Variants in NBEA observed in about 807,000 individuals in gnomAD.
NBEA encodes neurobeachin.
Under a neutral mutation model 343.4 loss-of-function variants are expected in NBEA, and 44 were observed. That is an observed-to-expected ratio of 0.13 (90% confidence interval 0.10 to 0.16). NBEA has a LOEUF of 0.16. Among genes scored for constraint, NBEA ranks in the 10% least tolerant of loss-of-function variants. NBEA has a pLI of 1.00. For missense variants in NBEA, 2,555 were observed against 3,631.3 expected, an observed-to-expected ratio of 0.70 and a Z score of 7.62; for synonymous variants, 1,175 against 1,238.7, an observed-to-expected ratio of 0.95 and a Z score of 1.08.
At chr13:35,495,289 G>A (rs9544448) in intron 41 of NBEA, among the ~76,000 whole-genome samples, 100,691 of 151,804 alleles carry the variant, frequency 0.66, 33,567 homozygotes, top group Admixed American at 0.72. Flanking sequence ...GAAACACTTT[G>A]TAATCAAAAA....
intron 1 of NBEA, among the ~76,000 whole-genome samples, chr13:35,031,247 A>G (rs926249113): frequency 2.0e-5 from 3 of 151,746 alleles, no homozygotes; most frequent in Non-Finnish European, 4.4e-5. Context: ...TGAGTTACCA[A>G]TCACTAGTGT....
At position 35,257,639 on chromosome 13, in the gene NBEA, AAT is replaced by A. The variant is rs565033935; in HGVS notation, c.5776+25021_5776+25022del. ...GAAACTTAGCTATGTTCAATAATCT[AAT>A]GAAAAAAATATTTTGGAAAAAGTTG... On this transcript the variant is annotated intron_variant, in intron 34 of 58. Transcript: ENST00000379939. Among the ~76,000 whole-genome samples the A allele has an allele frequency of 2.6e-4, 40 of 152,074 alleles. No individual in the cohort carries two copies. In the South Asian group the frequency reaches 7.9e-3, roughly 30 times the overall value.
chr13:35,387,322 A>G (rs2042288290), intron 38 of NBEA, among the ~76,000 whole-genome samples: 1 of 152,148 alleles, frequency 6.6e-6, no homozygotes, highest in African/African-American at 2.4e-5. Context: ...ACATGGTTCC[A>G]GAAGTATTTT....
chr13:35,456,624 C>T (rs1483480413), intron 40 of NBEA, among the ~76,000 whole-genome samples: 1 of 151,884 alleles, frequency 6.6e-6, no homozygotes, highest in Non-Finnish European at 1.5e-5. Context: ...CTTCAAATAA[C>T]TATTGAGTAA....
intron 41 of NBEA, among the ~76,000 whole-genome samples, chr13:35,548,549 A>G (rs1453063008): frequency 1.3e-5 from 2 of 152,138 alleles, no homozygotes; most frequent in Admixed American, 1.3e-4. Flanking sequence ...TCATGGGAAG[A>G]TCTATCATTT....
chr13:35,317,033 G>A (rs916828021), intron 36 of NBEA, among the ~76,000 whole-genome samples: 3 of 152,016 alleles, frequency 2.0e-5, no homozygotes, highest in African/African-American at 7.2e-5. Context: ...TGGATAGATT[G>A]CAAAAATTTT....
chr13:35,417,619 G>A (rs930709677), intron 38 of NBEA, among the ~76,000 whole-genome samples: 1 of 152,086 alleles, frequency 6.6e-6, no homozygotes, highest in African/African-American at 2.4e-5. Flanking sequence ...TTTAATTTCT[G>A]TTCTTTTACA....
intron 45 of NBEA, among the ~76,000 whole-genome samples, chr13:35,575,931 T>C (rs1056242929): frequency 1.3e-5 from 2 of 152,150 alleles, no homozygotes; most frequent in African/African-American, 4.8e-5. Flanking sequence ...ATGCCAGTTA[T>C]CTTATAGAAC....
intron 36 of NBEA, among the ~76,000 whole-genome samples, chr13:35,344,850 A>G (rs2039784651): frequency 6.6e-6 from 1 of 152,106 alleles, no homozygotes; most frequent in Non-Finnish European, 1.5e-5. Context: ...CCAAACTTAC[A>G]AACTCCTAGA....
chr13:35,026,414 T>C (rs2152545243), intron 1 of NBEA, among the ~76,000 whole-genome samples: 1 of 152,180 alleles, frequency 6.6e-6, no homozygotes, highest in Middle Eastern at 3.4e-3. Flanking sequence ...TTAGCTAGTG[T>C]GTTCACTGCT....
intron 36 of NBEA, among the ~76,000 whole-genome samples, chr13:35,323,024 A>G (rs959064459): frequency 6.6e-6 from 1 of 151,610 alleles, no homozygotes; most frequent in Non-Finnish European, 1.5e-5. Flanking sequence ...TGCATTTTGT[A>G]TTTTTTGTAG....
intron 6 of NBEA, among the ~76,000 whole-genome samples, chr13:35,051,247 C>T (rs973274717): frequency 6.6e-6 from 1 of 151,894 alleles, no homozygotes; most frequent in African/African-American, 2.4e-5. Flanking sequence ...AGATTATCAA[C>T]GTTTTTTAGG....
At chr13:35,281,640 A>G (rs1000715284) in intron 34 of NBEA, among the ~76,000 whole-genome samples, 1 of 152,158 alleles carries the variant, frequency 6.6e-6, no homozygotes, top group Admixed American at 6.6e-5. Context: ...AGAGTGATAC[A>G]TAGCATTTCC....
rs1297161609 is a variant in NBEA at position 35,601,126 on chromosome 13, G to A, written c.7297-5300G>A. Among the ~76,000 whole-genome samples, 7 of 151,554 alleles carry A rather than the reference G, an allele frequency of 4.6e-5. No homozygotes were observed. The East Asian group carries it at 5.8e-4, about 13-fold the overall frequency. On this transcript the variant is annotated intron_variant, in intron 47 of 58. Transcript: ENST00000379939. ...TGGGAGGCAGAGGTTGTAGTGAGCC[G>A]AGATGGCACCATTGCACTCCAGCCT...
chr13:35,014,025 G>A (rs758709584), intron 1 of NBEA, among the ~76,000 whole-genome samples: 2 of 151,976 alleles, frequency 1.3e-5, no homozygotes, highest in African/African-American at 2.4e-5. Context: ...GTTATTATTT[G>A]CTGCTTTTAA....
At chr13:35,113,840 CT>C (rs1265169748) in intron 13 of NBEA, among the ~76,000 whole-genome samples, 6 of 152,092 alleles carry the variant, frequency 3.9e-5, no homozygotes, top group Admixed American at 2.6e-4. Flanking sequence ...TCTAGTGAAA[CT>C]TACAAAAACA....
At chr13:35,667,175 A>G (rs897585971) in intron 56 of NBEA, among the ~76,000 whole-genome samples, 199 bp from the exon 57 acceptor site, 1 of 152,222 alleles carries the variant, frequency 6.6e-6, no homozygotes, top group Non-Finnish European at 1.5e-5. Flanking sequence ...CGTGCGGCGT[A>G]GGAGTGTGAT....
chr13:35,236,699 G>A (rs1027816033), intron 34 of NBEA, among the ~76,000 whole-genome samples: 19 of 150,156 alleles, frequency 1.3e-4, no homozygotes, highest in African/African-American at 3.9e-4. Flanking sequence ...CTCATGATCC[G>A]CCCGCCTCGG....
At chr13:35,356,483 A>G (rs796864805) in intron 38 of NBEA, among the ~76,000 whole-genome samples, 21 of 152,164 alleles carry the variant, frequency 1.4e-4, no homozygotes, top group African/African-American at 4.8e-4. Context: ...GATGCTTTCA[A>G]CTTGTAAATG....
Sources: gnomAD v4.1 joint callset for allele counts (sites outside exome capture counted in the v4.1 genomes callset) on GRCh38, gnomAD v4.1.1 for gene constraint, MANE v1.5 for transcripts, NCBI Gene and HGNC (gene_info 2026-07-23, HGNC 2026-07-21) for gene names.